Variants in PRKAG2 observed in about 807,000 individuals in gnomAD.
The protein encoded by PRKAG2 is protein kinase AMP-activated non-catalytic subunit gamma 2.
A neutral mutation model predicts 69.6 loss-of-function variants in PRKAG2; 26 were observed. The ratio of observed to expected loss-of-function variants is 0.37; its 90% CI spans 0.27 to 0.52. The LOEUF (loss-of-function observed/expected upper bound fraction) is 0.52, where lower values mean the gene tolerates loss of function less well. Ranked by LOEUF, PRKAG2 falls within the 20% of genes least tolerant of loss-of-function variation. PRKAG2 has a pLI of 0.90. For missense variants in PRKAG2, 557 were observed against 740.0 expected (o/e 0.75, Z 2.87); for synonymous variants, 293 against 285.0 (o/e 1.03, Z -0.28).
chr7:151,695,893 G>T (rs1157226831), intron 3 of PRKAG2, among the ~76,000 whole-genome samples: 1 of 152,176 alleles, frequency 6.6e-6, no homozygotes, highest in Non-Finnish European at 1.5e-5. Flanking sequence ...GAAACCGTAG[G>T]CACTGTGTCC....
intron 3 of PRKAG2, among the ~76,000 whole-genome samples, chr7:151,742,496 C>T (rs190422384): frequency 2.2e-4 from 34 of 152,150 alleles, no homozygotes; most frequent in Non-Finnish European, 4.1e-4. Context: ...TGATGGTGCG[C>T]ACCTGTAGTC....
intron 3 of PRKAG2, among the ~76,000 whole-genome samples, chr7:151,711,079 A>T (rs1795228217): frequency 1.3e-5 from 2 of 152,096 alleles, no homozygotes; most frequent in Admixed American, 1.3e-4. Flanking sequence ...GAGTACTAAC[A>T]GTGCTAGGCC....
chr7:151,764,775 C>G (rs369197165), intron 3 of PRKAG2, among the ~76,000 whole-genome samples: 1 of 152,148 alleles, frequency 6.6e-6, no homozygotes, highest in Non-Finnish European at 1.5e-5. Flanking sequence ...GGTCCCAGGA[C>G]GTGGGGGCAG....
intron 3 of PRKAG2, among the ~76,000 whole-genome samples, chr7:151,775,293 T>C (rs2151790455): frequency 6.6e-6 from 1 of 152,018 alleles, no homozygotes; most frequent in South Asian, 2.1e-4. Flanking sequence ...GATTCAGGGA[T>C]CCTAACTGGG....
intron 3 of PRKAG2, chr7:151,735,779 T>C: frequency 7.5e-7 from 1 of 1,338,838 alleles, no homozygotes; most frequent in Non-Finnish European, 1.0e-6. Flanking sequence ...CGCCTGATGT[T>C]ATATCCCAGT....
intron 5 of PRKAG2, among the ~76,000 whole-genome samples, chr7:151,604,470 C>T (rs1423697315): frequency 6.6e-6 from 1 of 151,396 alleles, no homozygotes; most frequent in Admixed American, 6.6e-5. Context: ...GATCCCGTTT[C>T]TACAAAACAT....
At chr7:151,775,511 C>T (rs2076297046) in intron 3 of PRKAG2, among the ~76,000 whole-genome samples, 1 of 152,146 alleles carries the variant, frequency 6.6e-6, no homozygotes, top group Non-Finnish European at 1.5e-5. Context: ...ACATTGTTTG[C>T]TTGTTAAAAA....
intron 5 of PRKAG2, among the ~76,000 whole-genome samples, chr7:151,598,595 TAAAA>T (rs1369770454): frequency 6.6e-6 from 1 of 150,574 alleles, no homozygotes; most frequent in Non-Finnish European, 1.5e-5. Flanking sequence ...AAATAAAACT[TAAAA>T]AAAGGAAAAA....
intron 1 of PRKAG2, among the ~76,000 whole-genome samples, chr7:151,865,348 C>G (rs1182377426): frequency 6.6e-6 from 1 of 152,260 alleles, no homozygotes; most frequent in Non-Finnish European, 1.5e-5. Flanking sequence ...CAGAGATCGG[C>G]CAAGCCAGCC....
At chr7:151,816,714 C>T (rs2078650934) in intron 1 of PRKAG2, among the ~76,000 whole-genome samples, 1 of 152,252 alleles carries the variant, frequency 6.6e-6, no homozygotes, top group Admixed American at 6.5e-5. Flanking sequence ...GGCACCGATG[C>T]AAGTGGTCGA....
At chr7:151,804,703 C>T (rs2078013845) in intron 1 of PRKAG2, among the ~76,000 whole-genome samples, 1 of 152,170 alleles carries the variant, frequency 6.6e-6, no homozygotes, top group African/African-American at 2.4e-5. Context: ...ATCTGTGTAA[C>T]CCAAATTGAC....
At chr7:151,695,159 T>A (rs1339648953) in intron 3 of PRKAG2, among the ~76,000 whole-genome samples, 1 of 152,146 alleles carries the variant, frequency 6.6e-6, no homozygotes, top group Non-Finnish European at 1.5e-5. Flanking sequence ...TGGGGGTGTG[T>A]CTCTGGGCAC....
intron 1 of PRKAG2, among the ~76,000 whole-genome samples, chr7:151,792,244 TACTA>T (rs1431571244): frequency 2.0e-5 from 3 of 152,216 alleles, no homozygotes; most frequent in Non-Finnish European, 4.4e-5. Flanking sequence ...CAACTTACCA[TACTA>T]ACTTTCTCTT....
At chr7:151,855,027 CCATGCTCCACACACA>C in intron 1 of PRKAG2, among the ~76,000 whole-genome samples, 1 of 83,988 alleles carries the variant, frequency 1.2e-5, no homozygotes, top group Non-Finnish European at 2.5e-5. Context: ...TCCACACACA[CCATGCTCCACACACA>C]CCGCCCTCCA....
chr7:151,862,694 T>A lies in PRKAG2; in HGVS notation c.114+13813A>T, dbSNP rs1282749076. 2.0e-5 allele frequency among the ~76,000 whole-genome samples: 3 copies of A among 152,198 alleles called. No individual in the cohort carries two copies. In the East Asian group the frequency reaches 5.8e-4, roughly 29 times the overall value. The stretch of plus-strand genomic sequence containing the variant: ...TACTTCGAAAGAAAAATCGTGAGAT[T>A]TTATGAGAAAGGGACGCGGTGCCGT... On this transcript the variant is annotated intron_variant, in intron 1 of 15. Transcript: ENST00000287878.
chr7:151,718,612 C>CAA (rs35143182), intron 3 of PRKAG2, among the ~76,000 whole-genome samples: 3,482 of 74,612 alleles, frequency 0.047, 157 homozygotes, highest in African/African-American at 0.12. Flanking sequence ...CCCCAGGATG[C>CAA]AAAAAAAAAA....
chr7:151,564,212 C>T lies in PRKAG2; in HGVS notation c.1450G>A (p.Glu484Lys). The T allele has an allele frequency of 6.2e-7, 1 of 1,614,130 alleles. No homozygotes were observed. The highest frequency in any genetic ancestry group is 1.1e-5 in the South Asian group (1 of 91,072). Residue 484 changes from glutamate to lysine, a missense_variant, in exon 14 of 16, where the codon GAG (glutamate) becomes AAG (lysine). Transcript: ENST00000287878. ...SKFDVINLAA[E>K]KTYNNLDITV... is the part of the protein sequence containing the mutation. ...ATATCTAGGTTATTGTATGTTTTCTCAGCAGCAAGATTCTGTAATGAAGCA... is the reference window on the plus strand; with the variant it reads ...ATATCTAGGTTATTGTATGTTTTCTTAGCAGCAAGATTCTGTAATGAAGCA...
intron 1 of PRKAG2, among the ~76,000 whole-genome samples, chr7:151,841,381 ATGATGGTAGTGATAGTAGGTAG>A (rs1368090423): frequency 6.0e-5 from 9 of 149,606 alleles, no homozygotes; most frequent in Non-Finnish European, 1.2e-4. Flanking sequence ...ATGGTAGGTA[ATGATGGTAGTGATAGTAGGTAG>A]TGATGGTAGT....
intron 1 of PRKAG2, among the ~76,000 whole-genome samples, chr7:151,829,087 C>T (rs545921044): frequency 1.8e-4 from 28 of 152,304 alleles, no homozygotes; most frequent in African/African-American, 6.7e-4. Context: ...AGCACACCAT[C>T]AAGAAGATGG....
Sources: gnomAD v4.1 joint callset for allele counts (sites outside exome capture counted in the v4.1 genomes callset) on GRCh38, gnomAD v4.1.1 for gene constraint, MANE v1.5 for transcripts, NCBI Gene and HGNC (gene_info 2026-07-23, HGNC 2026-07-21) for gene names.